The following FAM227A variants were observed in gnomAD, a reference collection of about 807,000 sequenced individuals.
FAM227A encodes protein FAM227A.
FAM227A carries 80 observed loss-of-function variants against 74.7 expected under a neutral mutation model. That is an observed-to-expected ratio of 1.07 (90% CI 0.89 to 1.29). The LOEUF is 1.29. Ranked by LOEUF, FAM227A falls within the 50% of genes most tolerant of loss-of-function variation. FAM227A has a pLI of 0.00. For missense variants in FAM227A, 654 were observed against 683.4 expected, an observed-to-expected ratio of 0.96 and a Z score of 0.48; for synonymous variants, 237 against 241.8, an observed-to-expected ratio of 0.98 and a Z score of 0.19.
intron 6 of FAM227A, among the ~76,000 whole-genome samples, chr22:38,635,831 C>T (rs1022056660): frequency 1.3e-5 from 2 of 151,960 alleles, no homozygotes; most frequent in African/African-American, 4.8e-5. Flanking sequence ...AAGACCTCCT[C>T]TCTACAAAAA....
At chr22:38,612,643 C>T (rs2091439308) in intron 11 of FAM227A, among the ~76,000 whole-genome samples, 1 of 152,140 alleles carries the variant, frequency 6.6e-6, no homozygotes, top group Admixed American at 6.6e-5. Context: ...TGCAGATGCA[C>T]CACCCCTGCC....
chr22:38,601,109 C>T lies in FAM227A; in HGVS notation c.1222-1188G>A, dbSNP rs148983168. 9.5e-4 allele frequency among the ~76,000 whole-genome samples: 145 copies of T among 152,124 alleles called. 1 individual carries two copies. Among genetic ancestry groups the T allele is most frequent in the East Asian group, 5.4e-3 (28 of 5,186 alleles). On this transcript the variant is annotated intron_variant, in intron 13 of 16. Coordinates refer to ENST00000535113, the MANE Select transcript of FAM227A (RefSeq NM_001013647.2). The stretch of plus-strand genomic sequence containing the variant: ...GCTGGAGATTCAGCAGAGAACAAGA[C>T]AAATTCCAGCCCTTATGGAGTTTAC...
intron 12 of FAM227A, among the ~76,000 whole-genome samples, chr22:38,606,342 T>C (rs534407116): frequency 6.6e-6 from 1 of 152,112 alleles, no homozygotes; most frequent in East Asian, 1.9e-4. Context: ...AATTTAAAAA[T>C]TTTTTTTGTA....
chr22:38,603,386 G>A (rs1390795319), intron 13 of FAM227A, among the ~76,000 whole-genome samples: 1 of 151,724 alleles, frequency 6.6e-6, no homozygotes, highest in Admixed American at 6.6e-5. Flanking sequence ...TACTTGGGAG[G>A]CTGAGGCAGG....
At chr22:38,610,608 G>A (rs1402225283) in intron 11 of FAM227A, among the ~76,000 whole-genome samples, 1 of 152,164 alleles carries the variant, frequency 6.6e-6, no homozygotes, top group East Asian at 1.9e-4. Context: ...GACTAGAGAG[G>A]ATATATGCAA....
chr22:38,603,817 T>C lies in FAM227A; in HGVS notation c.1221+1437A>G, dbSNP rs185892158. 5.0e-3 allele frequency among the ~76,000 whole-genome samples: 759 copies of C among 152,176 alleles called. 5 individuals carry two copies. Among genetic ancestry groups the C allele is most frequent in the Non-Finnish European group, 7.7e-3 (525 of 68,006 alleles). On this transcript the variant is annotated intron_variant, in intron 13 of 16. Coordinates refer to ENST00000535113, the MANE Select transcript of FAM227A (RefSeq NM_001013647.2). ...CAATTTTTAGCTAAATTCCAAGGAA[T>C]AGAGTGACCCCTGGTGATACTGGGG...
chr22:38,620,814 A>G (rs1344722611), intron 10 of FAM227A, among the ~76,000 whole-genome samples: 1 of 151,870 alleles, frequency 6.6e-6, no homozygotes, highest in Non-Finnish European at 1.5e-5. Flanking sequence ...GTCTCAAGAA[A>G]AAAAAGAAAA....
intron 4 of FAM227A, among the ~76,000 whole-genome samples, chr22:38,639,149 C>T (rs2092061247): frequency 6.6e-6 from 1 of 152,122 alleles, no homozygotes; most frequent in Non-Finnish European, 1.5e-5. Flanking sequence ...GTGGCTCACA[C>T]CTGTAATCCC....
chr22:38,595,109 A>C (rs922398272), intron 15 of FAM227A, among the ~76,000 whole-genome samples: 2 of 152,190 alleles, frequency 1.3e-5, no homozygotes, highest in African/African-American at 2.4e-5. Context: ...AAAATATATA[A>C]AAATAAAAAT....
intron 11 of FAM227A, 122 bp from the exon 12 acceptor site, chr22:38,607,598 C>A: frequency 1.4e-6 from 1 of 726,016 alleles, no homozygotes; most frequent in South Asian, 1.6e-5. Flanking sequence ...TCTTACTGTT[C>A]TCAGCAAAGG....
Position 38,638,787 on chromosome 22 carries a change from C to A in FAM227A, c.331G>T (p.Gly111Cys). The A allele has an allele frequency of 2.6e-6, 4 of 1,539,940 alleles. No individual in the cohort carries two copies. The highest frequency in any genetic ancestry group is 3.5e-6 in the Non-Finnish European group (4 of 1,144,004). The stretch of plus-strand genomic sequence containing the variant: ...GATCTGGCATGTCTGAGTTCGGAGC[C>A]TTTGCAGGAATACTGAGATTTCCTT... ...RQRKSQYSCK[G>C]SELRHARSSV... Residue 111 changes from glycine (G) to cysteine (C), a missense_variant, in exon 5 of 17, where the codon GGC (glycine) becomes TGC (cysteine). Gly to Cys is a radical substitution (Grantham distance 159). Transcript: ENST00000535113.
In FAM227A at chr22:38,591,429, ACT is replaced by A. The variant is rs551437054; in HGVS notation, c.1638+4_1638+5del. 879 of 1,550,508 alleles carry A rather than the reference ACT, an allele frequency of 5.7e-4. 3 individuals carry two copies. In the African/African-American group the frequency reaches 9.6e-3, roughly 17 times the overall value. ...CCTTAAACTCAATTTCTCTTTGGAGACTTCCCTTAGTTTTCTTGTCAGGTGAT... is the reference window on the plus strand; with the variant it reads ...CCTTAAACTCAATTTCTCTTTGGAGATCCCTTAGTTTTCTTGTCAGGTGAT... On this transcript the variant is annotated splice_donor_5th_base_variant and intron_variant, in intron 16 of 16. Transcript: ENST00000535113.
chr22:38,645,594 T>C lies in FAM227A; in HGVS notation c.194A>G (p.Asn65Ser), dbSNP rs2092221174. The C allele has an allele frequency of 2.6e-6, 4 of 1,551,094 alleles. No homozygotes were observed. The highest frequency in any genetic ancestry group is 1.7e-4 in the Middle Eastern group (1 of 6,010). Reference protein sequence around the residue: ...HQVNQKIADINLRTEPSANSL... With the variant: ...HQVNQKIADISLRTEPSANSL... ...GTTGGCCGACGGCTCGGTACGCAGATTTATGTCAGCAATCTTTTGGTTCAC... is the reference window on the plus strand; with the variant it reads ...GTTGGCCGACGGCTCGGTACGCAGACTTATGTCAGCAATCTTTTGGTTCAC... The change falls in exon 3 of 17, where the codon AAT becomes AGT. Residue 65 changes from asparagine to serine, a missense_variant. Physicochemically the swap from Asn to Ser is conservative, Grantham distance 46. Coordinates refer to ENST00000535113, the MANE Select transcript of FAM227A (RefSeq NM_001013647.2).
chr22:38,636,426 A>G lies in FAM227A; in HGVS notation c.519+25T>C, dbSNP rs577192754. 9.2e-5 allele frequency: 143 copies of G among 1,548,046 alleles called. 4 individuals carry two copies. The South Asian group carries it at 1.6e-3, about 17-fold the overall frequency. ...ATTTGCCCCATGGGTTGGCAAACTCAGGGCAGGCACTGCTTTTTCCTCACC... is the reference window on the plus strand; with the variant it reads ...ATTTGCCCCATGGGTTGGCAAACTCGGGGCAGGCACTGCTTTTTCCTCACC... On this transcript the variant is annotated intron_variant, in intron 6 of 16. Transcript: ENST00000535113.
rs148110732 is a variant in FAM227A at position 38,617,545 on chromosome 22, T to C, written c.1038+2667A>G. 9.4e-3 allele frequency among the ~76,000 whole-genome samples: 1,433 copies of C among 152,254 alleles called. 28 individuals carry two copies. Among genetic ancestry groups the C allele is most frequent in the African/African-American group, 0.033 (1,368 of 41,554 alleles). On this transcript the variant is annotated intron_variant, in intron 11 of 16. Transcript: ENST00000535113. Reference sequence around the variant, plus strand: ...CTCCTGACCTTGTAATCCGCCTGCCTTGGACTCCCAAAGTGCTGGGATTAC... The same window carrying C: ...CTCCTGACCTTGTAATCCGCCTGCCCTGGACTCCCAAAGTGCTGGGATTAC...
intron 1 of FAM227A, among the ~76,000 whole-genome samples, chr22:38,653,312 A>G (rs5995607): frequency 0.29 from 44,663 of 151,744 alleles, 6,657 homozygotes; most frequent in East Asian, 0.36. Flanking sequence ...GGTGAGTTGT[A>G]GAATTATTTT....
rs2092011739 is a variant in FAM227A at position 38,636,591 on chromosome 22, CT to C, written c.378del (p.Ala127GlnfsTer55). 1.3e-6 allele frequency: 2 copies of C among 1,550,548 alleles called. No homozygotes were observed. The highest frequency in any genetic ancestry group is 1.7e-6 in the Non-Finnish European group (2 of 1,146,670). ...HARSSVIKRKTADKNLLAELY... is the reference protein window; with the variant it reads ...HARSSVIKRKXADKNLLAELY... ...AGCTCTGCCAGCAGATTTTTATCTG[CT>C]GTTTTCTGAAGCAAAAGAGCAGAAT... On this transcript the variant is annotated frameshift_variant, in exon 6 of 17. Coordinates refer to ENST00000535113, the MANE Select transcript of FAM227A (RefSeq NM_001013647.2). LOFTEE classifies it high-confidence loss of function.
At chr22:38,651,534 GT>G (rs1171581231) in intron 1 of FAM227A, among the ~76,000 whole-genome samples, 1 of 151,954 alleles carries the variant, frequency 6.6e-6, no homozygotes, top group Admixed American at 6.6e-5. Context: ...CCTAATTTTT[GT>G]ATTTTTAGTA....
chr22:38,597,388 T>G (rs772906098), intron 14 of FAM227A, 32 bp from the exon 15 acceptor site: 2 of 1,549,184 alleles, frequency 1.3e-6, no homozygotes, highest in South Asian at 2.4e-5. Context: ...ATCCCCGTAC[T>G]GTGGAACTGT....
Sources: allele counts gnomAD v4.1 joint callset (sites outside exome capture counted in the v4.1 genomes callset), GRCh38; gene constraint gnomAD v4.1.1; transcripts MANE v1.5; gene names NCBI Gene and HGNC (gene_info 2026-07-23, HGNC 2026-07-21).